ELP1: variants seen among roughly 807,000 people sequenced by gnomAD.
The protein encoded by ELP1 is elongator complex protein 1.
A neutral mutation model predicts 183.2 loss-of-function variants in ELP1; 131 were observed. The observed-to-expected ratio is 0.72, with a 90% CI of 0.62 to 0.83. ELP1 has a LOEUF of 0.83. Among genes scored for constraint, ELP1 ranks in the 40% least tolerant of loss-of-function variants. The pLI, the probability that ELP1 is intolerant of heterozygous loss-of-function variation, is 0.00. For synonymous variants in ELP1, 555 were observed against 569.0 expected (o/e 0.98, Z 0.35); for missense variants, 1,550 against 1,594.9 (o/e 0.97, Z 0.48).
intron 25 of ELP1, among the ~76,000 whole-genome samples, chr9:108,895,602 G>A (rs541100615): frequency 5.3e-5 from 8 of 152,290 alleles, no homozygotes; most frequent in African/African-American, 1.9e-4. Context: ...TCAAGGAAGG[G>A]TTTTTAAGCA....
chr9:108,905,063 G>T (rs1828967636), intron 14 of ELP1, among the ~76,000 whole-genome samples: 1 of 152,048 alleles, frequency 6.6e-6, no homozygotes, highest in Admixed American at 6.6e-5. Flanking sequence ...TAATCTAATG[G>T]CTTACTTTAA....
chr9:108,880,478 AG>A (rs1241375194), intron 31 of ELP1, among the ~76,000 whole-genome samples: 5 of 149,546 alleles, frequency 3.3e-5, no homozygotes, highest in South Asian at 2.3e-4. Flanking sequence ...AAACAAAAAA[AG>A]GGGGGGTAGG....
chr9:108,907,108 C>T (rs1829050393), intron 13 of ELP1, among the ~76,000 whole-genome samples: 1 of 152,196 alleles, frequency 6.6e-6, no homozygotes, highest in Non-Finnish European at 1.5e-5. Context: ...GACTCAGGCT[C>T]TCCATTGCAT....
chr9:108,919,671 C>A (rs1829573040), intron 6 of ELP1, among the ~76,000 whole-genome samples: 1 of 151,528 alleles, frequency 6.6e-6, no homozygotes, highest in Non-Finnish European at 1.5e-5. Context: ...GTAACTACAA[C>A]AAGGAAACAA....
At position 108,898,551 on chromosome 9, in the gene ELP1, T is replaced by C; in HGVS notation, c.2314A>G (p.Lys772Glu). 3 of 1,603,096 alleles carry C rather than the reference T, an allele frequency of 1.9e-6. No individual in the cohort carries two copies. The highest frequency in any genetic ancestry group is 2.6e-6 in the Non-Finnish European group (3 of 1,171,212). ...VFLGNVETFI[K>E]QIDSVNHINL... ...ATATGATTCACAGAATCTATCTGTTTAATGAAGGTTTCCACATTTCCAAGA... is the reference window on the plus strand; with the variant it reads ...ATATGATTCACAGAATCTATCTGTTCAATGAAGGTTTCCACATTTCCAAGA... Residue 772 changes from lysine (K) to glutamate (E), a missense_variant, in exon 22 of 37, where the codon AAA (lysine) becomes GAA (glutamate). Lys to Glu is a moderately conservative substitution (Grantham distance 56, BLOSUM62 1). Transcript: ENST00000374647.
Position 108,876,719 on chromosome 9 carries a change from G to A in ELP1, c.3855+1276C>T, listed in dbSNP as rs374307025. On this transcript the variant is annotated intron_variant, in intron 35 of 36. Coordinates refer to ENST00000374647, the MANE Select transcript of ELP1 (RefSeq NM_003640.5). ...AACAAAAGATTTCTAGATTTCTTCCGTGATTGGCTGGCTTTTTTTTTTTTT... is the reference window on the plus strand; with the variant it reads ...AACAAAAGATTTCTAGATTTCTTCCATGATTGGCTGGCTTTTTTTTTTTTT... Among the ~76,000 whole-genome samples, 14 of 146,564 alleles carry A rather than the reference G, an allele frequency of 9.6e-5. No individual in the cohort carries two copies. In the East Asian group the frequency reaches 1.0e-3, roughly 11 times the overall value.
rs766255360 is a variant in ELP1 at position 108,912,318 on chromosome 9, G to A, written c.1135C>T (p.Arg379Trp). The A allele has an allele frequency of 2.6e-5, 42 of 1,613,980 alleles. No individual in the cohort carries two copies. Among genetic ancestry groups the A allele is most frequent in the African/African-American group, 1.5e-4 (11 of 74,902 alleles). Residue 379 changes from arginine (R) to tryptophan (W), a missense_variant, in exon 11 of 37, where the codon CGG (arginine) becomes TGG (tryptophan). Physicochemically the swap from Arg to Trp is moderately radical, Grantham distance 101. Transcript: ENST00000374647. ...LAYDWHWTTD[R>W]SVGDNSSDLS... ...TCACTTGAATTATCTCCCACGCTCC[G>A]GTCAGTCGTCCAGTGCCAATCATAG...
intron 5 of ELP1, among the ~76,000 whole-genome samples, chr9:108,924,781 A>G (rs535988116): frequency 7.2e-5 from 11 of 152,182 alleles, no homozygotes; most frequent in African/African-American, 2.7e-4. Context: ...TCCAAAACAG[A>G]TCTCACCACC....
chr9:108,903,720 T>C lies in ELP1; in HGVS notation c.1644-51A>G, dbSNP rs955812790. 8 of 1,302,698 alleles carry C rather than the reference T, an allele frequency of 6.1e-6. No individual in the cohort carries two copies. In the Admixed American group the frequency reaches 6.7e-5, roughly 11 times the overall value. 80.7% of individuals were successfully genotyped at this position (1,302,698 alleles called of 1,614,324 possible). A position where few individuals can be genotyped will look rare whatever the true frequency, so the allele number is the denominator to read the frequency against. On this transcript the variant is annotated intron_variant, in intron 14 of 36. Transcript: ENST00000374647. ...GTAAACAGACCATTTTTCTCAAAAA[T>C]AGTGACATTTCACTGATTTTGAAAA...
chr9:108,879,237 C>G (rs896489830), intron 33 of ELP1, among the ~76,000 whole-genome samples: 2 of 152,058 alleles, frequency 1.3e-5, no homozygotes. Context: ...GGAAAACACA[C>G]AAGCCACAAG....
intron 36 of ELP1, among the ~76,000 whole-genome samples, chr9:108,871,754 G>A (rs1006006912): frequency 3.9e-5 from 6 of 152,164 alleles, no homozygotes; most frequent in Non-Finnish European, 7.3e-5. Context: ...TACAATGACT[G>A]TGCTTTTTCT....
chr9:108,880,112 G>A lies in ELP1; in HGVS notation c.3400C>T (p.His1134Tyr). The A allele has an allele frequency of 6.2e-7, 1 of 1,614,168 alleles. No individual in the cohort carries two copies. Among genetic ancestry groups the A allele is most frequent in the Middle Eastern group, 1.6e-4 (1 of 6,062 alleles). Residue 1134 changes from histidine (H) to tyrosine (Y), a missense_variant, in exon 32 of 37, where the codon CAC becomes TAC. His to Tyr is a moderately conservative substitution (Grantham distance 83). Coordinates refer to ENST00000374647, the MANE Select transcript of ELP1 (RefSeq NM_003640.5). Reference protein sequence around the residue: ...LDSQTATFSRHKKRLLVVREL... With the variant: ...LDSQTATFSRYKKRLLVVREL... ...CGAACTACCAATAAACGTTTCTTGT[G>A]GCGACTGAATGTGGCTGTCTGAGAG...
At position 108,881,590 on chromosome 9, in the gene ELP1, A is replaced by G. The variant is rs140540186; in HGVS notation, c.3346+115T>C. 1.0e-5 allele frequency: 7 copies of G among 700,050 alleles called. No homozygotes were observed. The African/African-American group carries it at 1.2e-4, about 12-fold the overall frequency. 43.4% of individuals were successfully genotyped at this position (700,050 alleles called of 1,614,324 possible). A position where few individuals can be genotyped will look rare whatever the true frequency, so the allele number is the denominator to read the frequency against. On this transcript the variant is annotated intron_variant, in intron 31 of 36. Transcript: ENST00000374647. ...ATATTATATCCAGGTGGTAATTTTG[A>G]TTGAGTCTACATGACATATTATTAA...
intron 29 of ELP1, among the ~76,000 whole-genome samples, chr9:108,888,406 T>C (rs570779292): frequency 1.3e-5 from 2 of 152,244 alleles, no homozygotes; most frequent in Non-Finnish European, 2.9e-5. Context: ...TATATGTAAA[T>C]TATACAACTG....
intron 9 of ELP1, among the ~76,000 whole-genome samples, 159 bp downstream of exon 9, chr9:108,917,388 A>G (rs564646150): frequency 7.9e-5 from 12 of 151,446 alleles, no homozygotes; most frequent in Admixed American, 5.3e-4. Context: ...AATCACTTGA[A>G]CCTAGGAGGC....
At chr9:108,913,490 A>G (rs562082649) in intron 10 of ELP1, among the ~76,000 whole-genome samples, 1 of 152,306 alleles carries the variant, frequency 6.6e-6, no homozygotes, top group East Asian at 1.9e-4. Flanking sequence ...GGATTTTCTC[A>G]ATCTCCTTGC....
chr9:108,898,606 T>G (rs1348492959), intron 21 of ELP1, 25 bp from the exon 22 acceptor site: 1 of 1,602,138 alleles, frequency 6.2e-7, no homozygotes, highest in African/African-American at 1.3e-5. Context: ...ACAAAACATC[T>G]TCGTTCAGAT....
chr9:108,878,320 A>C (rs1176419908), intron 34 of ELP1, among the ~76,000 whole-genome samples, 171 bp from the exon 35 acceptor site: 1 of 152,186 alleles, frequency 6.6e-6, no homozygotes, highest in South Asian at 2.1e-4. Context: ...CATGTACTAC[A>C]AAAAGAAAAT....
intron 6 of ELP1, among the ~76,000 whole-genome samples, chr9:108,922,641 A>C (rs1043094702): frequency 1.3e-5 from 2 of 152,220 alleles, no homozygotes; most frequent in African/African-American, 4.8e-5. Context: ...TATGAAAATA[A>C]ATCACAAAGC....
Sources: allele counts gnomAD v4.1 joint callset (sites outside exome capture counted in the v4.1 genomes callset), GRCh38; gene constraint gnomAD v4.1.1; transcripts MANE v1.5; gene names NCBI Gene and HGNC (gene_info 2026-07-23, HGNC 2026-07-21).